The following PCGF2 variants were observed in gnomAD, a reference collection of about 807,000 sequenced individuals.
PCGF2 encodes the protein polycomb group ring finger 2, also known as polycomb group RING finger protein 2.
In PCGF2, 8 loss-of-function variants were observed where a neutral mutation model predicts 36.1. The observed-to-expected ratio is 0.22, with a 90% CI of 0.13 to 0.40. The LOEUF (loss-of-function observed/expected upper bound fraction) is 0.40. Among genes scored for constraint, PCGF2 ranks in the 10% least tolerant of loss-of-function variants. PCGF2 has a pLI of 1.00. For synonymous variants in PCGF2, 198 were observed against 191.2 expected (o/e 1.04, Z -0.29); for missense variants, 436 against 475.9 (o/e 0.92, Z 0.78).
At chr17:38,740,259 C>T in intron 3 of PCGF2, 32 bp downstream of exon 3, 1 of 1,599,744 alleles carries the variant, frequency 6.3e-7, no homozygotes, top group South Asian at 1.1e-5. Flanking sequence ...AGAGGCTGCC[C>T]ACCCTGAGCA....
chr17:38,740,120 C>T lies in PCGF2; in HGVS notation c.112+171G>A, dbSNP rs115582303. Reference sequence around the variant, plus strand: ...GAACTTCTGGGCTGATGCCCCGCGCCCAGTCGCCCCTGCGAGGTAGGCCCT... The same window carrying T: ...GAACTTCTGGGCTGATGCCCCGCGCTCAGTCGCCCCTGCGAGGTAGGCCCT... On this transcript the variant is annotated intron_variant, in intron 3 of 10. Transcript: ENST00000620225. Among the ~76,000 whole-genome samples, 1,023 of 152,348 alleles carry T rather than the reference C, an allele frequency of 6.7e-3. 13 individuals are homozygous for T. The highest frequency in any genetic ancestry group is 0.023 in the African/African-American group (967 of 41,578).
At chr17:38,749,432 C>G, upstream of PCGF2, 1 of 330,296 alleles carries the variant, frequency 3.0e-6, no homozygotes, top group Non-Finnish European at 6.3e-6. The surrounding 1 kb of genome is among the most constrained non-coding windows in gnomAD (Gnocchi z 6.5). Flanking sequence ...CTTGGAAACG[C>G]CGGGAGTAGC....
In PCGF2 at chr17:38,735,531, T is replaced by G. The variant is rs1401012738; in HGVS notation, c.727A>C (p.Thr243Pro). 6.3e-7 allele frequency: 1 copy of G among 1,584,216 alleles called. No homozygotes were observed. The highest frequency in any genetic ancestry group is 8.6e-7 in the Non-Finnish European group (1 of 1,165,944). Reference protein sequence around the residue: ...CKRLTLATVPTPSEGTNTSGA... With the variant: ...CKRLTLATVPPPSEGTNTSGA... ...CTGGTGTTGGTGCCCTCGGAGGGGG[T>G]GGGCACCGTGGCTAGGGTGAGCCGC... is the stretch of plus-strand genomic sequence containing the variant. Residue 243 changes from threonine (T) to proline (P), a missense_variant, in exon 11 of 11, where the codon ACC becomes CCC. Physicochemically the swap from Thr to Pro is conservative, Grantham distance 38. Around this residue, in one of 3 missense-constraint regions of PCGF2, gnomAD observed 227 missense variants for 212.9 expected, o/e 1.07. Coordinates refer to ENST00000620225, the MANE Select transcript of PCGF2 (RefSeq NM_007144.3).
At position 38,739,477 on chromosome 17, in the gene PCGF2, T is replaced by C. The variant is rs1907026973; in HGVS notation, c.209+109A>G. On this transcript the variant is annotated intron_variant, in intron 4 of 10. Transcript: ENST00000620225. The surrounding 1 kb of genome is among the most constrained non-coding windows in gnomAD (Gnocchi z 4.0). ...GGGAGTAGCCCAGGTCCACACCCCATGCTTCTCCTACACCTGCCGCCTTGG... is the reference window on the plus strand; with the variant it reads ...GGGAGTAGCCCAGGTCCACACCCCACGCTTCTCCTACACCTGCCGCCTTGG... 3 of 988,990 alleles carry C rather than the reference T, an allele frequency of 3.0e-6. No individual in the cohort carries two copies. Among genetic ancestry groups the C allele is most frequent in the Non-Finnish European group, 3.2e-6 (2 of 617,078 alleles). The allele number at this position is 988,990 out of a possible 1,614,324, so 61.3% of individuals were successfully genotyped here.
In PCGF2 at chr17:38,735,347, G is replaced by A. The variant is rs1307931350; in HGVS notation, c.911C>T (p.Ser304Leu). Reference sequence around the variant, plus strand: ...AGCTGTGGTGGCCCCACTGGCTGTCGAAGGGGGAGTGGGGGAGGTAGGGTG... The same window carrying A: ...AGCTGTGGTGGCCCCACTGGCTGTCAAAGGGGGAGTGGGGGAGGTAGGGTG... ...ATHPTSPTPPSTASGATTAAN... is the reference protein window; with the variant it reads ...ATHPTSPTPPLTASGATTAAN... Residue 304 changes from serine to leucine, a missense_variant, in exon 11 of 11, where the codon TCG becomes TTG. By Grantham distance (145) the Ser-to-Leu change is moderately radical. This residue lies in a region of PCGF2 where 227 missense variants were observed against 212.9 expected (regional missense o/e 1.07). Coordinates refer to ENST00000620225, the MANE Select transcript of PCGF2 (RefSeq NM_007144.3). 5.8e-6 allele frequency: 9 copies of A among 1,557,988 alleles called. No individual in the cohort carries two copies. Among genetic ancestry groups the A allele is most frequent in the East Asian group, 4.7e-5 (2 of 42,278 alleles).
chr17:38,737,695 C>T (rs772127538), intron 9 of PCGF2, among the ~76,000 whole-genome samples: 4 of 150,768 alleles, frequency 2.7e-5, no homozygotes, highest in African/African-American at 7.3e-5. Context: ...GGGTGGATCA[C>T]GAGGTCAGGA....
intron 9 of PCGF2, 70 bp from the exon 10 acceptor site, chr17:38,736,240 CTGGGAGGCGGGGCAA>C: frequency 1.1e-6 from 1 of 940,430 alleles, no homozygotes; most frequent in South Asian, 1.4e-5. Context: ...ATGTGGGGGA[CTGGGAGGCGGGGCAA>C]TGGGAAGGGT....
At chr17:38,748,777 C>T (rs899019863), upstream of PCGF2, among the ~76,000 whole-genome samples, 56 of 152,190 alleles carry the variant, frequency 3.7e-4, no homozygotes, top group Admixed American at 3.3e-4. Flanking sequence ...GACCAAAGGG[C>T]GCGGGGCTCC....
intron 2 of PCGF2, among the ~76,000 whole-genome samples, chr17:38,744,875 T>C (rs544820129): frequency 1.3e-5 from 2 of 152,286 alleles, no homozygotes; most frequent in South Asian, 4.1e-4. Context: ...TCACTCAAGG[T>C]CACATCCAGA....
chr17:38,738,211 AC>A (rs745718737), intron 9 of PCGF2, 141 bp downstream of exon 9: 20 of 702,994 alleles, frequency 2.8e-5, no homozygotes, highest in Non-Finnish European at 5.0e-5. Context: ...GGTTTCAACC[AC>A]CCTTCTGTTA....
At chr17:38,740,582 A>AT (rs1482172381) in intron 2 of PCGF2, 140 bp from the exon 3 acceptor site, 3 of 584,244 alleles carry the variant, frequency 5.1e-6, no homozygotes, top group Non-Finnish European at 8.8e-6. Context: ...ACATGGTGAA[A>AT]CCCCATCTCT....
At chr17:38,744,359 T>C (rs767416237) in intron 2 of PCGF2, among the ~76,000 whole-genome samples, 20 of 151,250 alleles carry the variant, frequency 1.3e-4, no homozygotes, top group African/African-American at 1.7e-4. Context: ...CTCTCTCTCT[T>C]TTTTTTTTCT....
chr17:38,735,863 C>G (rs1906673697), intron 10 of PCGF2, among the ~76,000 whole-genome samples: 2 of 152,054 alleles, frequency 1.3e-5, no homozygotes, highest in Non-Finnish European at 2.9e-5. Flanking sequence ...ATTTCTGCCC[C>G]CAAATCTGGG....
intron 2 of PCGF2, among the ~76,000 whole-genome samples, chr17:38,747,295 C>T (rs1013245902): frequency 1.3e-5 from 2 of 151,964 alleles, no homozygotes; most frequent in African/African-American, 4.8e-5. Flanking sequence ...AGTAGGAGGG[C>T]GTGCGCAGGG....
chr17:38,746,741 T>C (rs1030129335), intron 2 of PCGF2: 3 of 152,190 alleles, frequency 2.0e-5, no homozygotes, highest in African/African-American at 7.3e-5. Context: ...CCTACCTAGC[T>C]ACACATGGTC....
intron 9 of PCGF2, among the ~76,000 whole-genome samples, chr17:38,737,547 A>C (rs542531785): frequency 2.0e-5 from 3 of 152,352 alleles, no homozygotes; most frequent in African/African-American, 7.2e-5. Context: ...ATGAGATTTA[A>C]CAGGCAACAG....
intron 2 of PCGF2, among the ~76,000 whole-genome samples, chr17:38,745,994 T>C (rs1334673379): frequency 2.0e-5 from 3 of 152,100 alleles, no homozygotes; most frequent in East Asian, 1.9e-4. Flanking sequence ...TGGGTCCAAC[T>C]GCGCAAGCCC....
chr17:38,738,984 G>A (rs1379881676), intron 6 of PCGF2, 84 bp downstream of exon 6: 9 of 1,553,286 alleles, frequency 5.8e-6, no homozygotes, highest in Middle Eastern at 2.3e-4. Context: ...GCGCGGAGGA[G>A]GTCAGAGGGT....
intron 9 of PCGF2, among the ~76,000 whole-genome samples, chr17:38,737,990 C>T (rs1376606837): frequency 6.6e-6 from 1 of 151,650 alleles, no homozygotes; most frequent in African/African-American, 2.4e-5. Context: ...CCAGGGGACA[C>T]ATATACATTC....
Sources: gnomAD v4.1 joint callset for allele counts (sites outside exome capture counted in the v4.1 genomes callset) on GRCh38, gnomAD v4.1.1 for gene constraint, gnomAD v4.1.1 regional missense constraint, Gnocchi (gnomAD v3.1) non-coding constraint, MANE v1.5 for transcripts, NCBI Gene and HGNC (gene_info 2026-07-23, HGNC 2026-07-21) for gene names.